SLIT3: variants seen among roughly 807,000 people sequenced by gnomAD.
SLIT3 encodes slit homolog 3 protein.
A neutral mutation model predicts 184.0 loss-of-function variants in SLIT3; 68 were observed. The ratio of observed to expected loss-of-function variants is 0.37; its 90% CI spans 0.30 to 0.45. SLIT3 has a LOEUF of 0.45. SLIT3 is among the 20% of genes least tolerant of loss of function. The probability of loss-of-function intolerance (pLI) is 1.00; values close to 1 mark genes in which losing one functional copy is unlikely to be tolerated. For missense variants in SLIT3, 1,707 were observed against 2,026.0 expected (o/e 0.84, Z 3.02); for synonymous variants, 831 against 828.6 (o/e 1.00, Z -0.05).
At chr5:168,742,229 C>T (rs1435587476) in intron 20 of SLIT3, among the ~76,000 whole-genome samples, 26 of 147,104 alleles carry the variant, frequency 1.8e-4, no homozygotes, top group South Asian at 6.8e-4. Context: ...AGAACCAAGG[C>T]TGGGACTCAC....
chr5:168,974,147 A>G (rs1754676173), intron 4 of SLIT3, among the ~76,000 whole-genome samples: 2 of 152,278 alleles, frequency 1.3e-5, no homozygotes, highest in African/African-American at 2.4e-5. Flanking sequence ...TTATATCCAG[A>G]GAGGTGCAGC....
At chr5:169,243,540 T>C (rs533557382) in intron 3 of SLIT3, among the ~76,000 whole-genome samples, 1 of 152,290 alleles carries the variant, frequency 6.6e-6, no homozygotes, top group East Asian at 1.9e-4. Context: ...AATGAGACGG[T>C]TCACACAACA....
intron 4 of SLIT3, among the ~76,000 whole-genome samples, chr5:169,032,961 G>A (rs1581330848): frequency 8.0e-6 from 1 of 125,380 alleles, no homozygotes; most frequent in Non-Finnish European, 1.6e-5. Flanking sequence ...GGTGGCAAGA[G>A]CAGCTGAAAT....
intron 14 of SLIT3, among the ~76,000 whole-genome samples, chr5:168,771,324 C>A (rs755160516): frequency 1.2e-4 from 19 of 152,104 alleles, no homozygotes; most frequent in Non-Finnish European, 2.4e-4. Flanking sequence ...AGCATGAGAC[C>A]AGGGAAGGAG....
chr5:169,084,935 C>T (rs182824763), intron 4 of SLIT3, among the ~76,000 whole-genome samples: 202 of 152,336 alleles, frequency 1.3e-3, no homozygotes, highest in African/African-American at 4.7e-3. Context: ...ACCTGACCAA[C>T]CTCACCCATT....
intron 4 of SLIT3, among the ~76,000 whole-genome samples, chr5:169,031,317 C>T (rs74483173): frequency 0.11 from 16,040 of 152,062 alleles, 1,106 homozygotes; most frequent in East Asian, 0.41. Flanking sequence ...ACTGTGTTTG[C>T]GTCTGGGACT....
intron 4 of SLIT3, among the ~76,000 whole-genome samples, chr5:168,927,713 G>C (rs1761875046): frequency 6.6e-6 from 1 of 152,170 alleles, no homozygotes; most frequent in Admixed American, 6.5e-5. Flanking sequence ...ACATCGCAGG[G>C]CCCCCGCCCT....
At chr5:169,000,108 TAAG>T (rs1291110044) in intron 4 of SLIT3, among the ~76,000 whole-genome samples, 8 of 152,138 alleles carry the variant, frequency 5.3e-5, no homozygotes, top group Non-Finnish European at 1.0e-4. Context: ...CGATCATTAT[TAAG>T]AAGTTATGGC....
At chr5:169,110,484 T>A (rs1760372505) in intron 4 of SLIT3, among the ~76,000 whole-genome samples, 1 of 152,124 alleles carries the variant, frequency 6.6e-6, no homozygotes, top group African/African-American at 2.4e-5. Flanking sequence ...CTTTAGGTGT[T>A]CGTTGTCTTG....
chr5:168,771,453 A>T (rs757794047), intron 14 of SLIT3, among the ~76,000 whole-genome samples: 1 of 152,168 alleles, frequency 6.6e-6, no homozygotes, highest in Admixed American at 6.5e-5. Flanking sequence ...TGGCTTGTGA[A>T]CTTGGAGTGC....
chr5:168,774,206 C>A (rs747661949), intron 13 of SLIT3, 29 bp downstream of exon 13: 3 of 1,569,678 alleles, frequency 1.9e-6, no homozygotes. Flanking sequence ...TGCTTGGGCA[C>A]CCACTGGCAC....
rs567431328 is a variant in SLIT3, at chr5:168,779,182, C to T, written c.1152-4804G>A. On this transcript the variant is annotated intron_variant, in intron 12 of 35. Transcript: ENST00000519560. ...TAACTTTGACCAAAGTTCCACAACC[C>T]GTAAGAGGTAGGATAGTATTTGGAC... is the stretch of plus-strand genomic sequence containing the variant. 1.2e-4 allele frequency among the ~76,000 whole-genome samples: 19 copies of T among 152,258 alleles called. 1 individual carries two copies. Among genetic ancestry groups the T allele is most frequent in the South Asian group, 4.2e-4 (2 of 4,808 alleles).
chr5:169,209,525 C>A (rs527589684), intron 3 of SLIT3, among the ~76,000 whole-genome samples: 1 of 152,286 alleles, frequency 6.6e-6, no homozygotes, highest in South Asian at 2.1e-4. Context: ...TTCACAATAG[C>A]AAAGACTTGG....
intron 4 of SLIT3, among the ~76,000 whole-genome samples, chr5:168,936,278 TGGCTGGAGTTCAGTGGTGCAATCTC>T (rs1762155272): frequency 1.3e-5 from 2 of 152,182 alleles, no homozygotes; most frequent in Admixed American, 1.3e-4. Flanking sequence ...CTCTGTCACC[TGGCTGGAGTTCAGTGGTGCAATCTC>T]GGCTCACTGC....
intron 23 of SLIT3, among the ~76,000 whole-genome samples, chr5:168,721,660 G>A (rs901028405): frequency 1.3e-5 from 2 of 152,216 alleles, no homozygotes; most frequent in Non-Finnish European, 2.9e-5. Flanking sequence ...AAAGAATATA[G>A]AGAGTGGGAT....
chr5:169,201,765 C>T (rs1420940969), intron 3 of SLIT3, among the ~76,000 whole-genome samples: 1 of 152,196 alleles, frequency 6.6e-6, no homozygotes, highest in African/African-American at 2.4e-5. Flanking sequence ...TACATCAGCT[C>T]TTAACTCCCT....
chr5:168,898,590 C>A (rs1760765831), intron 4 of SLIT3, among the ~76,000 whole-genome samples: 1 of 151,964 alleles, frequency 6.6e-6, no homozygotes, highest in Admixed American at 6.6e-5. Flanking sequence ...GGCCACTGTT[C>A]AAAATGTCAA....
intron 4 of SLIT3, among the ~76,000 whole-genome samples, chr5:168,913,809 T>C (rs1387921284): frequency 2.0e-5 from 3 of 151,578 alleles, no homozygotes; most frequent in East Asian, 3.9e-4. Context: ...GTAAAACCCA[T>C]ATCTTTCTCC....
intron 4 of SLIT3, among the ~76,000 whole-genome samples, chr5:168,996,678 G>C (rs894582679): frequency 2.0e-5 from 3 of 152,194 alleles, no homozygotes; most frequent in African/African-American, 7.2e-5. Context: ...GGATTTTTTA[G>C]TGGCCCTTCA....
Sources: gnomAD v4.1 joint callset for allele counts (sites outside exome capture counted in the v4.1 genomes callset) on GRCh38, gnomAD v4.1.1 for gene constraint, MANE v1.5 for transcripts, NCBI Gene and HGNC (gene_info 2026-07-23, HGNC 2026-07-21) for gene names.